The following FYN variants were observed in gnomAD, a reference collection of about 807,000 sequenced individuals.
FYN encodes tyrosine-protein kinase Fyn.
In FYN, 10 loss-of-function variants were observed where a neutral mutation model predicts 70.2. The ratio of observed to expected loss-of-function variants is 0.14; its 90% CI spans 0.09 to 0.24. The LOEUF is 0.24. Ranked by LOEUF, FYN falls within the 10% of genes least tolerant of loss-of-function variation. The pLI, the probability that FYN is intolerant of heterozygous loss-of-function variation, is 1.00. For missense variants in FYN, 319 were observed against 673.1 expected (o/e 0.47, Z 5.82); for synonymous variants, 236 against 248.6 (o/e 0.95, Z 0.48).
At chr6:111,739,848 G>A (rs115876149) in intron 3 of FYN, among the ~76,000 whole-genome samples, 1 of 152,164 alleles carries the variant, frequency 6.6e-6, no homozygotes, top group Non-Finnish European at 1.5e-5. Context: ...TGTTAAGATG[G>A]AGTCTCACCC....
intron 3 of FYN, among the ~76,000 whole-genome samples, chr6:111,765,835 A>T (rs1803210544): frequency 6.6e-6 from 1 of 152,012 alleles, no homozygotes; most frequent in Admixed American, 6.5e-5. Context: ...GACAGCAGGA[A>T]GGCATCCCAA....
chr6:111,721,685 G>A (rs1244203189), intron 3 of FYN, among the ~76,000 whole-genome samples: 1 of 151,980 alleles, frequency 6.6e-6, no homozygotes, highest in African/African-American at 2.4e-5. Context: ...CATTACAGGC[G>A]TGAACCACCG....
intron 2 of FYN, among the ~76,000 whole-genome samples, chr6:111,814,343 A>T (rs1397358729): frequency 6.6e-6 from 1 of 152,234 alleles, no homozygotes; most frequent in African/African-American, 2.4e-5. Flanking sequence ...CAAACGATAA[A>T]GCCATTTTCA....
At chr6:111,799,470 G>A (rs1583455078) in intron 2 of FYN, among the ~76,000 whole-genome samples, 1 of 152,164 alleles carries the variant, frequency 6.6e-6, no homozygotes, top group Non-Finnish European at 1.5e-5. Context: ...AATAACAAGT[G>A]TACCAATACA....
intron 12 of FYN, among the ~76,000 whole-genome samples, chr6:111,681,658 AG>A (rs1185835956): frequency 6.6e-6 from 1 of 152,148 alleles, no homozygotes; most frequent in East Asian, 1.9e-4. Context: ...TGATTACTCC[AG>A]CCTTCACTAA....
chr6:111,784,629 C>T (rs1310353204), intron 2 of FYN, among the ~76,000 whole-genome samples: 1 of 152,176 alleles, frequency 6.6e-6, no homozygotes, highest in African/African-American at 2.4e-5. Context: ...TATGTCATTT[C>T]CTGCAAAGAC....
intron 2 of FYN, among the ~76,000 whole-genome samples, chr6:111,801,310 C>T (rs1407896488): frequency 1.3e-5 from 2 of 152,154 alleles, no homozygotes; most frequent in African/African-American, 2.4e-5. Flanking sequence ...TTACATATTC[C>T]AAGGTAAACC....
At chr6:111,871,264 C>T (rs1562552835) in intron 1 of FYN, among the ~76,000 whole-genome samples, 1 of 152,208 alleles carries the variant, frequency 6.6e-6, no homozygotes, top group Non-Finnish European at 1.5e-5. Context: ...TCTACAGCCC[C>T]AGTTCATAGC....
At chr6:111,706,312 G>T (rs1323273032) in intron 6 of FYN, among the ~76,000 whole-genome samples, 1 of 152,206 alleles carries the variant, frequency 6.6e-6, no homozygotes, top group African/African-American at 2.4e-5. Context: ...ATATTTAACT[G>T]TGAAAGAATC....
intron 2 of FYN, among the ~76,000 whole-genome samples, chr6:111,839,114 T>C (rs1773275864): frequency 6.6e-6 from 1 of 152,214 alleles, no homozygotes; most frequent in Admixed American, 6.5e-5. Context: ...CTCTACGACA[T>C]GCCCAGCCAT....
chr6:111,678,106 A>G (rs1322468556), intron 12 of FYN, among the ~76,000 whole-genome samples: 1 of 118,552 alleles, frequency 8.4e-6, no homozygotes, highest in East Asian at 2.5e-4. Context: ...GAAGGCCATA[A>G]TATGTGTGTG....
intron 2 of FYN, among the ~76,000 whole-genome samples, chr6:111,824,895 G>T (rs1408183802): frequency 2.0e-5 from 3 of 152,188 alleles, no homozygotes; most frequent in Non-Finnish European, 4.4e-5. Context: ...CAATGCATTT[G>T]TCAAAAAGAA....
chr6:111,867,420 A>G (rs1774141551), intron 1 of FYN, among the ~76,000 whole-genome samples: 1 of 134,702 alleles, frequency 7.4e-6, no homozygotes, highest in Non-Finnish European at 1.5e-5. Context: ...ACGCCATTGC[A>G]CTCTAGCCTG....
At chr6:111,692,014 C>T (rs569679799) in intron 12 of FYN, among the ~76,000 whole-genome samples, 27 of 152,140 alleles carry the variant, frequency 1.8e-4, no homozygotes, top group Admixed American at 1.8e-3. Context: ...TTATAAATGG[C>T]TCTGCCACTC....
chr6:111,870,030 G>C (rs1009917971), intron 1 of FYN, among the ~76,000 whole-genome samples: 11 of 152,150 alleles, frequency 7.2e-5, no homozygotes, highest in Non-Finnish European at 1.0e-4. Flanking sequence ...CAGTGAATGT[G>C]CCTTGATAAG....
At chr6:111,678,150 G>GTGTGTGTGTGTGT (rs3220548) in intron 12 of FYN, among the ~76,000 whole-genome samples, 4 of 119,798 alleles carry the variant, frequency 3.3e-5, no homozygotes, top group South Asian at 2.4e-4. Context: ...GTGTGTGTGT[G>GTGTGTGTGTGTGT]GTGTGTGTAC....
chr6:111,763,093 C>T (rs747925892), intron 3 of FYN, among the ~76,000 whole-genome samples: 2 of 152,206 alleles, frequency 1.3e-5, no homozygotes, highest in South Asian at 4.1e-4. Flanking sequence ...AACCGATTGT[C>T]AATCTGGAAA....
At chr6:111,688,167 T>C (rs1347759472) in intron 12 of FYN, among the ~76,000 whole-genome samples, 1 of 152,174 alleles carries the variant, frequency 6.6e-6, no homozygotes, top group African/African-American at 2.4e-5. Context: ...ACCTTAAAGG[T>C]AACCAACACC....
chr6:111,694,821 AC>A lies in FYN; in HGVS notation c.1043-118del. 2.5e-6 allele frequency: 2 copies of A among 796,880 alleles called. No individual in the cohort carries two copies. The highest frequency in any genetic ancestry group is 4.0e-6 in the Non-Finnish European group (2 of 506,028). 49.4% of individuals were successfully genotyped at this position (796,880 alleles called of 1,614,324 possible). A position where few individuals can be genotyped will look rare whatever the true frequency, so the allele number is the denominator to read the frequency against. On this transcript the variant is annotated intron_variant, in intron 10 of 13. Coordinates refer to ENST00000354650, the MANE Select transcript of FYN (RefSeq NM_002037.5). This position sits in a 1 kb window ranked among gnomAD's most constrained non-coding sequence, Gnocchi z 5.0. ...GTAGTCAAATGGAATAATGCCATCC[AC>A]ATGGGGGGACAAAAAGGTTTATATA...
Sources: gnomAD v4.1 joint callset for allele counts (sites outside exome capture counted in the v4.1 genomes callset) on GRCh38, gnomAD v4.1.1 for gene constraint, Gnocchi (gnomAD v3.1) non-coding constraint, MANE v1.5 for transcripts, NCBI Gene and HGNC (gene_info 2026-07-23, HGNC 2026-07-21) for gene names.